The following ABCC8 variants were observed in gnomAD, a reference collection of about 807,000 sequenced individuals.
ABCC8 encodes the protein ATP-binding cassette sub-family C member 8.
In ABCC8, 137 loss-of-function variants were observed where a neutral mutation model predicts 188.0. That is an observed-to-expected ratio of 0.73 (90% CI 0.63 to 0.84). ABCC8 has a LOEUF of 0.84. Ranked by LOEUF, ABCC8 falls within the 40% of genes least tolerant of loss-of-function variation. The pLI is 0.00. For synonymous variants in ABCC8, 797 were observed against 846.5 expected, an observed-to-expected ratio of 0.94 and a Z score of 1.01; for missense variants, 1,750 against 2,072.7, an observed-to-expected ratio of 0.84 and a Z score of 3.02.
At position 17,463,696 on chromosome 11, in the gene ABCC8, C is replaced by A; in HGVS notation, c.413-92G>T. 2.0e-6 allele frequency: 3 copies of A among 1,508,684 alleles called. No individual in the cohort carries two copies. In the Admixed American group the frequency reaches 5.9e-5, roughly 30 times the overall value. The allele number at this position is 1,508,684 out of a possible 1,614,324, so 93.5% of individuals were successfully genotyped here. On this transcript the variant is annotated intron_variant, in intron 3 of 38. Coordinates refer to ENST00000389817, the MANE Select transcript of ABCC8 (RefSeq NM_000352.6). ...TGCAAGTATGTGGCAGAGAAGGAGA[C>A]AGAATAAGCGTGCCTGGGTGTGTAC...
Position 17,393,795 on chromosome 11 carries a change from C to A in ABCC8, c.4546-36G>T, listed in dbSNP as rs866724683. 3.1e-6 allele frequency: 5 copies of A among 1,613,918 alleles called. No individual in the cohort carries two copies. The African/African-American group carries it at 4.0e-5, about 13-fold the overall frequency. On this transcript the variant is annotated intron_variant, in intron 37 of 38. Transcript: ENST00000389817. The stretch of plus-strand genomic sequence containing the variant: ...GGGGCAACAGCTGTTGGCTCACCTG[C>A]CCAGTGGATGGGGTCTGGCCTGGCT...
intron 29 of ABCC8, among the ~76,000 whole-genome samples, chr11:17,402,048 G>A (rs188225395): frequency 4.2e-4 from 64 of 152,308 alleles, no homozygotes; most frequent in African/African-American, 1.3e-3. Context: ...GGCTGTAAAC[G>A]CCTGCAGGGC....
chr11:17,432,282 GC>G, intron 10 of ABCC8, 38 bp from the exon 11 acceptor site: 1 of 1,551,824 alleles, frequency 6.4e-7, no homozygotes, highest in Non-Finnish European at 8.7e-7. Context: ...AGTGGGAGGA[GC>G]GTGACAGCTA....
chr11:17,432,577 C>T (rs560342543), intron 10 of ABCC8, among the ~76,000 whole-genome samples: 5 of 152,306 alleles, frequency 3.3e-5, no homozygotes, highest in African/African-American at 7.2e-5. Flanking sequence ...GTCAGGAGCA[C>T]GTGTTTCTGG....
chr11:17,408,348 T>C (rs369209991), intron 23 of ABCC8, 44 bp downstream of exon 23: 101 of 1,572,988 alleles, frequency 6.4e-5, no homozygotes, highest in Non-Finnish European at 8.3e-5. Flanking sequence ...AGCAGAACCT[T>C]TGCATCCAGG....
At chr11:17,454,606 T>C (rs1239924679) in intron 6 of ABCC8, among the ~76,000 whole-genome samples, 2 of 152,084 alleles carry the variant, frequency 1.3e-5, no homozygotes, top group South Asian at 2.1e-4. Context: ...GGGAGAGACC[T>C]GAATTTCCAG....
At chr11:17,453,458 G>T in intron 6 of ABCC8, 175 bp from the exon 7 acceptor site, 2 of 382,828 alleles carry the variant, frequency 5.2e-6, no homozygotes, top group Non-Finnish European at 7.2e-6. Context: ...CCAACTAAAC[G>T]TTTTTCTAAC....
intron 4 of ABCC8, among the ~76,000 whole-genome samples, chr11:17,462,535 A>T (rs904560675): frequency 6.6e-6 from 1 of 152,210 alleles, no homozygotes; most frequent in Non-Finnish European, 1.5e-5. Context: ...TGACCCAGCA[A>T]CGCCATTCCT....
chr11:17,396,734 G>T, intron 33 of ABCC8, 182 bp downstream of exon 33: 1 of 732,286 alleles, frequency 1.4e-6, no homozygotes, highest in Non-Finnish European at 2.2e-6. Context: ...CTGGGGGAAG[G>T]CAATAGAAGG....
At chr11:17,472,581 C>A (rs898093447) in intron 2 of ABCC8, among the ~76,000 whole-genome samples, 3 of 152,186 alleles carry the variant, frequency 2.0e-5, no homozygotes, top group African/African-American at 7.2e-5. Flanking sequence ...TCTGTGACTT[C>A]TCCTGTCTGC....
Position 17,428,312 on chromosome 11 carries a change from C to G in ABCC8, c.2017G>C (p.Asp673His). ...LQSLVPSADG[D>H]ADNCCVQIMG... ...ACCTGGACACAGCAGTTGTCAGCAT[C>G]GCCATCTGCACTGGGGACCAGGCTC... is the stretch of plus-strand genomic sequence containing the variant. Residue 673 changes from aspartate to histidine, a missense_variant, in exon 14 of 39, where the codon GAT becomes CAT. Coordinates refer to ENST00000389817, the MANE Select transcript of ABCC8 (RefSeq NM_000352.6). 1 of 1,614,166 alleles carries G rather than the reference C, an allele frequency of 6.2e-7. No homozygotes were observed. The highest frequency in any genetic ancestry group is 1.3e-5 in the African/African-American group (1 of 75,068).
At chr11:17,463,411 C>T in intron 4 of ABCC8, 27 bp downstream of exon 4, 2 of 1,578,042 alleles carry the variant, frequency 1.3e-6, no homozygotes, top group South Asian at 2.3e-5. Context: ...GCTTCCCACC[C>T]CACCCTGGCC....
intron 8 of ABCC8, 65 bp downstream of exon 8, chr11:17,448,451 T>C (rs1956625777): frequency 2.1e-6 from 3 of 1,438,900 alleles, no homozygotes; most frequent in South Asian, 1.1e-5. Context: ...TTACTGGCCA[T>C]GGACCAGCAG....
chr11:17,463,604 G>T lies in ABCC8; in HGVS notation c.413C>A (p.Ala138Asp). The change falls in exon 4 of 39, where the codon GCC becomes GAC. Residue 138 changes from alanine to aspartate, a missense_variant and splice_region_variant. Physicochemically the swap from Ala to Asp is moderately radical, Grantham distance 126. Coordinates refer to ENST00000389817, the MANE Select transcript of ABCC8 (RefSeq NM_000352.6). ...ETSNFPKLLI[A>D]LLVYWTLAFI... ...GGCCAGGGTCCAATACACCAGCAGGGCTGCCGAGGAGAGATGGAAGATCGC... is the reference window on the plus strand; with the variant it reads ...GGCCAGGGTCCAATACACCAGCAGGTCTGCCGAGGAGAGATGGAAGATCGC... 6.4e-7 allele frequency: 1 copy of T among 1,573,048 alleles called. No individual in the cohort carries two copies. The highest frequency in any genetic ancestry group is 8.6e-7 in the Non-Finnish European group (1 of 1,158,622).
At chr11:17,443,339 C>T in intron 8 of ABCC8, 27 bp from the exon 9 acceptor site, 2 of 1,613,800 alleles carry the variant, frequency 1.2e-6, no homozygotes, top group Non-Finnish European at 1.7e-6. Flanking sequence ...GGGTCAGGTC[C>T]CTTTGACCTG....
At chr11:17,417,016 C>T (rs1955112651) in intron 16 of ABCC8, 54 bp from the exon 17 acceptor site, 2 of 1,612,398 alleles carry the variant, frequency 1.2e-6, no homozygotes, top group Non-Finnish European at 1.7e-6. Context: ...ACCCCATTGC[C>T]TTTCCATCAC....
chr11:17,443,416 C>T lies in ABCC8; in HGVS notation c.1333-104G>A, dbSNP rs561224909. ...CCCAGTCCCCTAGAGTGGGACAAGC[C>T]TTGGTGCCCAGGTTTCCAAATTATC... On this transcript the variant is annotated intron_variant, in intron 8 of 38. Coordinates refer to ENST00000389817, the MANE Select transcript of ABCC8 (RefSeq NM_000352.6). 1.7e-4 allele frequency: 274 copies of T among 1,591,576 alleles called. 1 individual carries two copies. The South Asian group carries it at 2.4e-3, about 14-fold the overall frequency.
At chr11:17,440,776 G>A (rs1348507087) in intron 10 of ABCC8, among the ~76,000 whole-genome samples, 2 of 152,208 alleles carry the variant, frequency 1.3e-5, no homozygotes, top group Admixed American at 1.3e-4. Flanking sequence ...TGGACTCCTG[G>A]GGTATTCATG....
At chr11:17,432,932 T>C (rs1413385012) in intron 10 of ABCC8, among the ~76,000 whole-genome samples, 1 of 152,176 alleles carries the variant, frequency 6.6e-6, no homozygotes, top group African/African-American at 2.4e-5. Context: ...ACCTAGGGCA[T>C]GTCATTTACC....
Sources: gnomAD v4.1 joint callset for allele counts (sites outside exome capture counted in the v4.1 genomes callset) on GRCh38, gnomAD v4.1.1 for gene constraint, MANE v1.5 for transcripts, NCBI Gene and HGNC (gene_info 2026-07-23, HGNC 2026-07-21) for gene names.